The following RAI1 variants were observed in gnomAD, a reference collection of about 807,000 sequenced individuals.
The protein encoded by RAI1 is retinoic acid-induced protein 1.
Under a neutral mutation model 123.8 loss-of-function variants are expected in RAI1, and 9 were observed. The ratio of observed to expected loss-of-function variants is 0.07; its 90% CI spans 0.04 to 0.13. RAI1 has a LOEUF of 0.13. Among genes scored for constraint, RAI1 ranks in the 10% least tolerant of loss-of-function variants. The pLI, the probability that RAI1 is intolerant of heterozygous loss-of-function variation, is 1.00. For missense variants in RAI1, 2,256 were observed against 2,545.8 expected, an observed-to-expected ratio of 0.89 and a Z score of 2.45; for synonymous variants, 1,231 against 1,127.3, an observed-to-expected ratio of 1.09 and a Z score of -1.84.
At chr17:17,761,067 C>T (rs894372547) in intron 2 of RAI1, among the ~76,000 whole-genome samples, 8 of 152,210 alleles carry the variant, frequency 5.3e-5, no homozygotes, top group African/African-American at 1.9e-4. Flanking sequence ...CACTTCCCAG[C>T]TGTGTGACCT....
chr17:17,684,284 G>A (rs909720230), intron 1 of RAI1: 1 of 152,098 alleles, frequency 6.6e-6, no homozygotes, highest in Non-Finnish European at 1.5e-5. Context: ...GTATATAGCT[G>A]AAACAAAAGT....
chr17:17,731,842 C>T (rs1418125176), intron 2 of RAI1, among the ~76,000 whole-genome samples: 1 of 152,178 alleles, frequency 6.6e-6, no homozygotes, highest in Admixed American at 6.5e-5. Context: ...CTGGGAGGGA[C>T]TGTTCAGTCT....
intron 2 of RAI1, among the ~76,000 whole-genome samples, chr17:17,728,889 C>T (rs1916179552): frequency 6.6e-6 from 1 of 152,210 alleles, no homozygotes; most frequent in South Asian, 2.1e-4. Flanking sequence ...CACCATGAGC[C>T]CCTACCTCTG....
At chr17:17,735,353 CTTTT>C (rs554442849) in intron 2 of RAI1, among the ~76,000 whole-genome samples, 1 of 132,416 alleles carries the variant, frequency 7.6e-6, no homozygotes, top group Admixed American at 7.7e-5. Context: ...AATGCCCAGC[CTTTT>C]TTTTTTTTTT....
chr17:17,787,390 C>T (rs1387714681), intron 2 of RAI1, among the ~76,000 whole-genome samples: 1 of 152,200 alleles, frequency 6.6e-6, no homozygotes, highest in African/African-American at 2.4e-5. Flanking sequence ...CCCTTTTTCC[C>T]TTTTCTTCAT....
chr17:17,701,422 A>G (rs1389421917), intron 1 of RAI1, among the ~76,000 whole-genome samples: 1 of 152,050 alleles, frequency 6.6e-6, no homozygotes, highest in African/African-American at 2.4e-5. Flanking sequence ...CACCCCATCA[A>G]GTGATCCTGG....
In RAI1 at chr17:17,797,463, C is replaced by G; in HGVS notation, c.4515C>G (p.Gly1505=). 8 of 1,613,424 alleles carry G rather than the reference C, an allele frequency of 5.0e-6. No homozygotes were observed. The highest frequency in any genetic ancestry group is 6.8e-6 in the Non-Finnish European group (8 of 1,179,892). ...AGAAGCCAAAGATGGAGGAGCTGGG[C>G]CTGGCCTCCCAGCCCCCGGAGGGCA... The part of the protein sequence containing the change: ...GGKKPKMEEL[G]LASQPPEGRP... Residue 1505 remains glycine, a synonymous_variant, in exon 3 of 6, where the codon GGC becomes GGG. Coordinates refer to ENST00000353383, the MANE Select transcript of RAI1 (RefSeq NM_030665.4).
intron 1 of RAI1, among the ~76,000 whole-genome samples, chr17:17,721,022 G>T (rs1915864154): frequency 6.6e-6 from 1 of 151,928 alleles, no homozygotes; most frequent in Non-Finnish European, 1.5e-5. Flanking sequence ...CCCATCCCCA[G>T]AATCTGGAAT....
intron 4 of RAI1, among the ~76,000 whole-genome samples, chr17:17,804,511 T>C (rs1226203873): frequency 6.6e-6 from 1 of 152,160 alleles, no homozygotes; most frequent in Non-Finnish European, 1.5e-5. Flanking sequence ...ATCGACCAGG[T>C]GGGGAAACTG....
chr17:17,689,024 C>T (rs905648235), intron 1 of RAI1, among the ~76,000 whole-genome samples: 15 of 151,304 alleles, frequency 9.9e-5, no homozygotes, highest in African/African-American at 3.2e-4. Flanking sequence ...GGCTCGACCT[C>T]GGCTCACTGC....
chr17:17,788,358 A>T (rs1014913866), intron 2 of RAI1, among the ~76,000 whole-genome samples: 4 of 152,118 alleles, frequency 2.6e-5, no homozygotes, highest in Non-Finnish European at 4.4e-5. Context: ...CCTCCCATTC[A>T]AGCCAGGCCC....
chr17:17,721,766 CAG>C (rs1054422237), intron 1 of RAI1, among the ~76,000 whole-genome samples: 16 of 152,226 alleles, frequency 1.1e-4, no homozygotes, highest in Admixed American at 7.8e-4. Context: ...GTCCCCAAGA[CAG>C]ATATTGAAGA....
At chr17:17,731,291 G>A (rs368510187) in intron 2 of RAI1, among the ~76,000 whole-genome samples, 3 of 152,210 alleles carry the variant, frequency 2.0e-5, no homozygotes, top group African/African-American at 4.8e-5. Flanking sequence ...TGCTGATGGC[G>A]CCAAGGTTCT....
At chr17:17,682,594 C>T (rs1914472743) in intron 1 of RAI1, 2 of 152,000 alleles carry the variant, frequency 1.3e-5, no homozygotes, top group South Asian at 2.1e-4. Context: ...ACATGGGGGC[C>T]GAGTGCGGCG....
At chr17:17,772,353 A>G (rs1456387948) in intron 2 of RAI1, among the ~76,000 whole-genome samples, 1 of 152,124 alleles carries the variant, frequency 6.6e-6, no homozygotes, top group Non-Finnish European at 1.5e-5. Context: ...GGACAGTCCC[A>G]GCTTCCTGTT....
chr17:17,692,824 A>G (rs561259874), intron 1 of RAI1, among the ~76,000 whole-genome samples: 3 of 152,314 alleles, frequency 2.0e-5, no homozygotes, highest in Non-Finnish European at 4.4e-5. Flanking sequence ...CAGCACAGAA[A>G]GGGATGGAAG....
At chr17:17,695,470 T>C (rs561391412) in intron 1 of RAI1, among the ~76,000 whole-genome samples, 1 of 151,724 alleles carries the variant, frequency 6.6e-6, no homozygotes, top group East Asian at 1.9e-4. Context: ...GGCCTTCTCG[T>C]GCCCTAAGTC....
In RAI1 at chr17:17,793,081, C is replaced by A. The variant is rs746633997; in HGVS notation, c.133C>A (p.Leu45Met). The change falls in exon 3 of 6, where the codon CTG becomes ATG. Residue 45 changes from leucine (L) to methionine (M), a missense_variant. Coordinates refer to ENST00000353383, the MANE Select transcript of RAI1 (RefSeq NM_030665.4). Reference protein sequence around the residue: ...QAGLSCDRQRLLAKDYYNPQP... With the variant: ...QAGLSCDRQRMLAKDYYNPQP... ...CGGGCTAAGCTGCGACCGGCAGCGG[C>A]TGCTCGCCAAGGACTATTATAACCC... 2.5e-6 allele frequency: 4 copies of A among 1,613,846 alleles called. No individual in the cohort carries two copies. In the African/African-American group the frequency reaches 5.3e-5, roughly 22 times the overall value.
At chr17:17,738,603 G>A (rs1054993401) in intron 2 of RAI1, among the ~76,000 whole-genome samples, 2 of 152,210 alleles carry the variant, frequency 1.3e-5, no homozygotes, top group African/African-American at 4.8e-5. Flanking sequence ...TGAGCCTGGG[G>A]TCCACCCCTC....
Sources: allele counts gnomAD v4.1 joint callset (sites outside exome capture counted in the v4.1 genomes callset), GRCh38; gene constraint gnomAD v4.1.1; transcripts MANE v1.5; gene names NCBI Gene and HGNC (gene_info 2026-07-23, HGNC 2026-07-21).